The following TMEM132E variants were observed in gnomAD, a reference collection of about 807,000 sequenced individuals.
The protein encoded by TMEM132E is transmembrane protein 132E.
Under a neutral mutation model 78.5 loss-of-function variants are expected in TMEM132E, and 49 were observed. The ratio of observed to expected loss-of-function variants is 0.62; its 90% CI spans 0.50 to 0.79. The LOEUF is 0.79. Ranked by LOEUF, TMEM132E falls within the 30% of genes least tolerant of loss-of-function variation. The pLI is 0.00. For synonymous variants in TMEM132E, 715 were observed against 670.6 expected, an observed-to-expected ratio of 1.07 and a Z score of -1.02; for missense variants, 1,403 against 1,470.9, an observed-to-expected ratio of 0.95 and a Z score of 0.75.
At chr17:34,597,297 G>T (rs1906093467) in intron 1 of TMEM132E, among the ~76,000 whole-genome samples, 1 of 152,238 alleles carries the variant, frequency 6.6e-6, no homozygotes, top group East Asian at 1.9e-4. Flanking sequence ...TTCCCTTGGG[G>T]CAGGGCTCCA....
chr17:34,594,463 A>G (rs1394726501), intron 1 of TMEM132E, among the ~76,000 whole-genome samples: 1 of 152,238 alleles, frequency 6.6e-6, no homozygotes, highest in Non-Finnish European at 1.5e-5. Context: ...CACGTTTATA[A>G]AATGGGATAA....
At chr17:34,585,237 G>T (rs1196951355) in intron 1 of TMEM132E, among the ~76,000 whole-genome samples, 1 of 152,242 alleles carries the variant, frequency 6.6e-6, no homozygotes, top group African/African-American at 2.4e-5. Flanking sequence ...GACGGCTGGT[G>T]CTTCGCTGTG....
At chr17:34,618,893 G>T (rs1305915882) in intron 1 of TMEM132E, among the ~76,000 whole-genome samples, 1 of 152,196 alleles carries the variant, frequency 6.6e-6, no homozygotes, top group Non-Finnish European at 1.5e-5. Flanking sequence ...GGTCAGATTT[G>T]CCAATCAGCC....
chr17:34,596,986 C>T lies in TMEM132E; in HGVS notation c.67+15843C>T, dbSNP rs142795164. On this transcript the variant is annotated intron_variant, in intron 1 of 8. Transcript: ENST00000631683. ...CTCCATCCCACCGAGCATCCAGACA[C>T]GCAGCCCCTCTGCTCCAAAGCTAGG... Among the ~76,000 whole-genome samples, 1,069 of 152,194 alleles carry T rather than the reference C, an allele frequency of 7.0e-3. 16 individuals are homozygous for T. Among genetic ancestry groups the T allele is most frequent in the African/African-American group, 0.024 (1,006 of 41,540 alleles).
In TMEM132E at chr17:34,626,901, C is replaced by A. The variant is rs760043119; in HGVS notation, c.842C>A (p.Pro281His). 9 of 1,613,224 alleles carry A rather than the reference C, an allele frequency of 5.6e-6. No individual in the cohort carries two copies. The highest frequency in any genetic ancestry group is 7.6e-6 in the Non-Finnish European group (9 of 1,179,930). The change falls in exon 2 of 9, where the codon CCC (proline) becomes CAC (histidine). Residue 281 changes from proline (P) to histidine (H), a missense_variant. Pro to His is a moderately conservative substitution (Grantham distance 77, BLOSUM62 -2). Transcript: ENST00000631683. ...IGSISLFRPP[P>H]RRTLQEHRLD... Reference sequence around the variant, plus strand: ...AGCATCAGCCTGTTCCGCCCGCCCCCCAGGAGGACCCTGCAGGAGCACAGG... The same window carrying A: ...AGCATCAGCCTGTTCCGCCCGCCCCACAGGAGGACCCTGCAGGAGCACAGG...
intron 1 of TMEM132E, among the ~76,000 whole-genome samples, chr17:34,600,624 G>T (rs999752620): frequency 2.0e-5 from 3 of 152,148 alleles, no homozygotes; most frequent in African/African-American, 7.2e-5. Context: ...GAGGGCCTGA[G>T]TGACTGCTAA....
intron 1 of TMEM132E, among the ~76,000 whole-genome samples, chr17:34,592,026 G>A (rs1034059097): frequency 6.6e-6 from 1 of 152,256 alleles, no homozygotes; most frequent in South Asian, 2.1e-4. Context: ...CTTGCCTAGA[G>A]CCAGGCCTTA....
chr17:34,619,538 C>T (rs559808741), intron 1 of TMEM132E, among the ~76,000 whole-genome samples: 22 of 143,222 alleles, frequency 1.5e-4, no homozygotes, highest in African/African-American at 4.7e-4. Flanking sequence ...TTCACATCTA[C>T]ATGGGCCAGG....
rs7218304 is a variant in TMEM132E, at chr17:34,581,191, T to C, written c.67+48T>C. On this transcript the variant is annotated intron_variant, in intron 1 of 8. Transcript: ENST00000631683. Reference sequence around the variant, plus strand: ...GGGGTGAGGATGCGGCAGGCGCCACTGGAGGGGGTACGGGGAAGACTGGGG... The same window carrying C: ...GGGGTGAGGATGCGGCAGGCGCCACCGGAGGGGGTACGGGGAAGACTGGGG... The C allele has an allele frequency of 0.74, 1,080,170 of 1,462,346 alleles. 402,851 individuals are homozygous for C. Among genetic ancestry groups the C allele is most frequent in the Non-Finnish European group, 0.76 (846,369 of 1,107,328 alleles). 90.6% of individuals were successfully genotyped at this position (1,462,346 alleles called of 1,614,324 possible). A position where few individuals can be genotyped will look rare whatever the true frequency, so the allele number is the denominator to read the frequency against.
At position 34,613,211 on chromosome 17, in the gene TMEM132E, A is replaced by ACACACACACACACACACGCGCG; in HGVS notation, c.68-12915_68-12914insACACACACACACACACGCGCGC. ...CACACACACACCCACACACACACAC[A>ACACACACACACACACACGCGCG]CGCGCGCGCGCGCGCGTTCTTACAT... On this transcript the variant is annotated intron_variant, in intron 1 of 8. Coordinates refer to ENST00000631683, the MANE Select transcript of TMEM132E (RefSeq NM_001304438.2). 1.2e-3 allele frequency among the ~76,000 whole-genome samples: 134 copies of ACACACACACACACACACGCGCG among 115,950 alleles called. 2 individuals carry two copies. The highest frequency in any genetic ancestry group is 3.3e-3 in the Admixed American group (33 of 10,108). 76.1% of individuals were successfully genotyped at this position (115,950 alleles called of 152,430 possible).
chr17:34,624,470 C>T (rs529685796), intron 1 of TMEM132E, among the ~76,000 whole-genome samples: 1 of 152,250 alleles, frequency 6.6e-6, no homozygotes, highest in Non-Finnish European at 1.5e-5. Context: ...TCTGAGGAAA[C>T]CCCCAGGAGT....
chr17:34,627,745 A>G (rs796196627), intron 2 of TMEM132E, among the ~76,000 whole-genome samples: 2 of 152,166 alleles, frequency 1.3e-5, no homozygotes, highest in South Asian at 4.1e-4. Flanking sequence ...TATGCCTTGG[A>G]CCTGAAACAT....
At position 34,620,983 on chromosome 17, in the gene TMEM132E, G is replaced by T. The variant is rs76651299; in HGVS notation, c.68-5144G>T. Among the ~76,000 whole-genome samples, 734 of 152,300 alleles carry T rather than the reference G, an allele frequency of 4.8e-3. 5 individuals carry two copies. Among genetic ancestry groups the T allele is most frequent in the African/African-American group, 0.017 (710 of 41,560 alleles). ...GAGCTGGTCCAGCTCATATGGAAAG[G>T]GTCCCTCGCTAAGCACAGTCTGGCA... is the stretch of plus-strand genomic sequence containing the variant. On this transcript the variant is annotated intron_variant, in intron 1 of 8. Coordinates refer to ENST00000631683, the MANE Select transcript of TMEM132E (RefSeq NM_001304438.2).
At chr17:34,610,786 C>A (rs1218009815) in intron 1 of TMEM132E, among the ~76,000 whole-genome samples, 1 of 152,204 alleles carries the variant, frequency 6.6e-6, no homozygotes, top group Admixed American at 6.5e-5. Context: ...TGGGTCGGGG[C>A]TGCTACCTTT....
chr17:34,585,127 C>T (rs189937077), intron 1 of TMEM132E, among the ~76,000 whole-genome samples: 5 of 152,330 alleles, frequency 3.3e-5, no homozygotes, highest in Admixed American at 1.3e-4. Flanking sequence ...CACATGCAGC[C>T]GTATTCACAA....
intron 1 of TMEM132E, among the ~76,000 whole-genome samples, chr17:34,623,164 C>T (rs9900451): frequency 0.33 from 49,603 of 151,844 alleles, 9,118 homozygotes; most frequent in African/African-American, 0.48. Flanking sequence ...CAGGTCCTCC[C>T]CCAGGGGGGG....
chr17:34,625,538 G>A (rs976902080), intron 1 of TMEM132E, among the ~76,000 whole-genome samples: 7 of 152,192 alleles, frequency 4.6e-5, no homozygotes, highest in Non-Finnish European at 8.8e-5. Context: ...TCTGTAAGAT[G>A]TTAGGATTGG....
At chr17:34,595,281 A>G (rs554006382) in intron 1 of TMEM132E, among the ~76,000 whole-genome samples, 45 of 152,362 alleles carry the variant, frequency 3.0e-4, no homozygotes, top group African/African-American at 7.2e-4. Context: ...CAGTCTTCTT[A>G]CCTGTAAGGT....
chr17:34,585,317 C>G (rs1905631643), intron 1 of TMEM132E, among the ~76,000 whole-genome samples: 2 of 152,200 alleles, frequency 1.3e-5, no homozygotes, highest in South Asian at 4.1e-4. Flanking sequence ...GGGGGCCTGT[C>G]TGGAACTGAC....
Sources: allele counts gnomAD v4.1 joint callset (sites outside exome capture counted in the v4.1 genomes callset), GRCh38; gene constraint gnomAD v4.1.1; transcripts MANE v1.5; gene names NCBI Gene and HGNC (gene_info 2026-07-23, HGNC 2026-07-21).